The following FAT3 variants were observed in gnomAD, a reference collection of about 807,000 sequenced individuals.
FAT3 encodes FAT atypical cadherin 3, also known as protocadherin Fat 3.
A neutral mutation model predicts 310.2 loss-of-function variants in FAT3; 95 were observed. That is an observed-to-expected ratio of 0.31 (90% CI 0.26 to 0.36). FAT3 has a LOEUF of 0.36. Among genes scored for constraint, FAT3 ranks in the 10% least tolerant of loss-of-function variants. The pLI is 1.00. For synonymous variants in FAT3, 2,314 were observed against 2,192.9 expected, an observed-to-expected ratio of 1.06 and a Z score of -1.54; for missense variants, 5,408 against 5,715.6, an observed-to-expected ratio of 0.95 and a Z score of 1.74.
At chr11:92,771,257 G>A (rs895275693) in intron 6 of FAT3, among the ~76,000 whole-genome samples, 2 of 152,164 alleles carry the variant, frequency 1.3e-5, no homozygotes, top group Non-Finnish European at 2.9e-5. Context: ...TAAGCGGAAT[G>A]CTGCTAGTGA....
Position 92,230,400 on chromosome 11 carries a change from T to G in FAT3, c.-18+5226T>G, listed in dbSNP as rs1311928887. Among the ~76,000 whole-genome samples the G allele has an allele frequency of 3.3e-5, 5 of 152,226 alleles. No homozygotes were observed. In the East Asian group the frequency reaches 9.7e-4, roughly 29 times the overall value. Reference sequence around the variant, plus strand: ...CCTCCGCCTCCTGGGTTCAAGTGATTCTCATGCCTCAGTCTCCCGAGTAAC... The same window carrying G: ...CCTCCGCCTCCTGGGTTCAAGTGATGCTCATGCCTCAGTCTCCCGAGTAAC... On this transcript the variant is annotated intron_variant, in intron 1 of 27. Coordinates refer to ENST00000525166, the MANE Select transcript of FAT3 (RefSeq NM_001367949.2).
intron 3 of FAT3, among the ~76,000 whole-genome samples, chr11:92,546,599 T>TA (rs1429782738): frequency 6.6e-6 from 1 of 152,166 alleles, no homozygotes; most frequent in Non-Finnish European, 1.5e-5. Context: ...TTTCAATATT[T>TA]AAAAAAATGA....
chr11:92,495,377 T>C (rs1952723307), intron 2 of FAT3, among the ~76,000 whole-genome samples: 1 of 152,064 alleles, frequency 6.6e-6, no homozygotes, highest in African/African-American at 2.4e-5. Context: ...TTCAGTGGGA[T>C]TGGACAGCTG....
chr11:92,388,681 T>C (rs1449702110), intron 2 of FAT3, among the ~76,000 whole-genome samples: 1 of 152,186 alleles, frequency 6.6e-6, no homozygotes, highest in Admixed American at 6.6e-5. Context: ...AGCTTATTCA[T>C]TTCCTGGGGA....
Position 92,488,321 on chromosome 11 carries a change from C to T in FAT3, c.3293-36313C>T, listed in dbSNP as rs1043934045. 2.0e-5 allele frequency among the ~76,000 whole-genome samples: 3 copies of T among 152,208 alleles called. No homozygotes were observed. The East Asian group carries it at 5.8e-4, about 30-fold the overall frequency. Reference sequence around the variant, plus strand: ...ACTTTGATTGCAGCCCTATAGAACCCTGAGGAGAGGACTTAGCTAAGTGGT... The same window carrying T: ...ACTTTGATTGCAGCCCTATAGAACCTTGAGGAGAGGACTTAGCTAAGTGGT... On this transcript the variant is annotated intron_variant, in intron 2 of 27. Transcript: ENST00000525166.
Position 92,593,709 on chromosome 11 carries a change from A to G in FAT3, c.3607+68761A>G, listed in dbSNP as rs370147097. 2.0e-5 allele frequency among the ~76,000 whole-genome samples: 3 copies of G among 152,312 alleles called. No homozygotes were observed. In the East Asian group the frequency reaches 5.8e-4, roughly 29 times the overall value. On this transcript the variant is annotated intron_variant, in intron 3 of 27. Coordinates refer to ENST00000525166, the MANE Select transcript of FAT3 (RefSeq NM_001367949.2). ...GTTGCAAAATATAGTACTCTGTTTC[A>G]CAAGACTTCACATGAAAGGAGTCCC...
intron 2 of FAT3, among the ~76,000 whole-genome samples, chr11:92,422,559 T>TA (rs1950553340): frequency 1.3e-5 from 2 of 151,954 alleles, no homozygotes; most frequent in African/African-American, 4.8e-5. Flanking sequence ...GCAGGGCACA[T>TA]AGGATGGAGG....
At chr11:92,629,411 CTTTTTTTTTTTTT>C (rs34017336) in intron 3 of FAT3, among the ~76,000 whole-genome samples, 1 of 126,056 alleles carries the variant, frequency 7.9e-6, no homozygotes, top group African/African-American at 3.2e-5. Flanking sequence ...CTTCCCCTAC[CTTTTTTTTTTTTT>C]TTTTTTCTTT....
intron 2 of FAT3, among the ~76,000 whole-genome samples, chr11:92,514,835 T>C (rs1384600618): frequency 6.6e-6 from 1 of 152,136 alleles, no homozygotes; most frequent in Non-Finnish European, 1.5e-5. Flanking sequence ...TATTCTGAAA[T>C]GTGAATGGGA....
In FAT3 at chr11:92,269,158, C is replaced by A. The variant is rs1477248445; in HGVS notation, c.-18+43984C>A. On this transcript the variant is annotated intron_variant, in intron 1 of 27. Coordinates refer to ENST00000525166, the MANE Select transcript of FAT3 (RefSeq NM_001367949.2). ...TTAGAAGATTCATTAGACTGAAGGT[C>A]AAAAGTTAAGTTAAAAACATTTCCT... 3.3e-5 allele frequency among the ~76,000 whole-genome samples: 5 copies of A among 150,642 alleles called. No homozygotes were observed. In the East Asian group the frequency reaches 7.8e-4, roughly 23 times the overall value.
chr11:92,558,182 C>T (rs555660901), intron 3 of FAT3, among the ~76,000 whole-genome samples: 136 of 152,334 alleles, frequency 8.9e-4, no homozygotes, highest in African/African-American at 3.2e-3. Flanking sequence ...CACAGAGGCA[C>T]TTAGTTGTCA....
At position 92,675,957 on chromosome 11, in the gene FAT3, G is replaced by C. The variant is rs1189109062; in HGVS notation, c.3608-21427G>C. On this transcript the variant is annotated intron_variant, in intron 3 of 27. Coordinates refer to ENST00000525166, the MANE Select transcript of FAT3 (RefSeq NM_001367949.2). ...GAGGATGCTGCTGCCTGGATGTTCTGGTCTTTTGTTTTCATCCTGAGACTG... is the reference window on the plus strand; with the variant it reads ...GAGGATGCTGCTGCCTGGATGTTCTCGTCTTTTGTTTTCATCCTGAGACTG... 2.6e-5 allele frequency among the ~76,000 whole-genome samples: 4 copies of C among 152,046 alleles called. No individual in the cohort carries two copies. In the East Asian group the frequency reaches 5.8e-4, roughly 22 times the overall value.
At chr11:92,696,650 A>G (rs1943949822) in intron 3 of FAT3, among the ~76,000 whole-genome samples, 1 of 152,230 alleles carries the variant, frequency 6.6e-6, no homozygotes, top group Admixed American at 6.5e-5. Flanking sequence ...GACAAAAGGA[A>G]TAATAAAACC....
chr11:92,551,785 A>C (rs1265551680), intron 3 of FAT3, among the ~76,000 whole-genome samples: 1 of 152,158 alleles, frequency 6.6e-6, no homozygotes, highest in Non-Finnish European at 1.5e-5. Context: ...TTGTGTTTCA[A>C]CTTTCGGGTT....
At chr11:92,704,686 A>T (rs1944213942) in intron 4 of FAT3, among the ~76,000 whole-genome samples, 1 of 152,194 alleles carries the variant, frequency 6.6e-6, no homozygotes, top group East Asian at 1.9e-4. Flanking sequence ...TGTTGTAAGA[A>T]ACCAAGCCCT....
chr11:92,502,644 A>G (rs1952975678), intron 2 of FAT3, among the ~76,000 whole-genome samples: 1 of 152,104 alleles, frequency 6.6e-6, no homozygotes, highest in Admixed American at 6.6e-5. Flanking sequence ...AGGCAGGCAA[A>G]TATATGGACA....
At chr11:92,241,643 A>G (rs1864672477) in intron 1 of FAT3, among the ~76,000 whole-genome samples, 1 of 152,062 alleles carries the variant, frequency 6.6e-6, no homozygotes, top group Non-Finnish European at 1.5e-5. Flanking sequence ...GAGGGGTCCA[A>G]TTTTAATTCA....
At position 92,801,819 on chromosome 11, in the gene FAT3, A is replaced by G; in HGVS notation, c.8806A>G (p.Ser2936Gly). ...AGTGTACCGAGGGAATGTGAAGGAGAGCGACCCACCGGGCGAGGTGGTAGC... is the reference window on the plus strand; with the variant it reads ...AGTGTACCGAGGGAATGTGAAGGAGGGCGACCCACCGGGCGAGGTGGTAGC... ...QEVYRGNVKE[S>G]DPPGEVVAVL... The change falls in exon 10 of 28, where the codon AGC becomes GGC. Residue 2936 changes from serine to glycine, a missense_variant. This residue lies in a region of FAT3 where 4,588 missense variants were observed against 4,809.8 expected (regional missense o/e 0.95). Transcript: ENST00000525166. 1 of 1,613,832 alleles carries G rather than the reference A, an allele frequency of 6.2e-7. No individual in the cohort carries two copies. The highest frequency in any genetic ancestry group is 8.5e-7 in the Non-Finnish European group (1 of 1,179,832).
intron 7 of FAT3, among the ~76,000 whole-genome samples, chr11:92,778,202 C>T (rs1383921363): frequency 1.3e-5 from 2 of 152,124 alleles, no homozygotes; most frequent in Non-Finnish European, 2.9e-5. Context: ...CATGTGCCAT[C>T]CCAGGATGGC....
Sources: gnomAD v4.1 joint callset for allele counts (sites outside exome capture counted in the v4.1 genomes callset) on GRCh38, gnomAD v4.1.1 for gene constraint, gnomAD v4.1.1 regional missense constraint, MANE v1.5 for transcripts, NCBI Gene and HGNC (gene_info 2026-07-23, HGNC 2026-07-21) for gene names.